The following MRO variants were observed in gnomAD, a reference collection of about 807,000 sequenced individuals.
MRO encodes protein maestro.
In MRO, 28 loss-of-function variants were observed where a neutral mutation model predicts 31.0. That is an observed-to-expected ratio of 0.90 (90% CI 0.67 to 1.24). The LOEUF (loss-of-function observed/expected upper bound fraction) is 1.24. Ranked by LOEUF, MRO falls within the 50% of genes most tolerant of loss-of-function variation. MRO has a pLI of 0.00. For synonymous variants in MRO, 108 were observed against 108.4 expected, an observed-to-expected ratio of 1.00 and a Z score of 0.02; for missense variants, 332 against 289.2, an observed-to-expected ratio of 1.15 and a Z score of -1.07.
rs1915218666 is a variant in MRO, at chr18:50,819,703, C to G, written c.-126-1G>C. The G allele has an allele frequency of 6.5e-7, 1 of 1,549,854 alleles. No individual in the cohort carries two copies. The highest frequency in any genetic ancestry group is 1.4e-5 in the African/African-American group (1 of 73,006). On this transcript the variant is annotated splice_acceptor_variant, in intron 1 of 7. Coordinates refer to ENST00000398439, the MANE Select transcript of MRO (RefSeq NM_031939.6). LOFTEE classifies it low-confidence loss of function (5UTR_SPLICE). ...GCTAAATTTTCCCAGCCCTGAATTC[C>G]TAACATACAAGAAGGGAAATTAGGA...
intron 2 of MRO, among the ~76,000 whole-genome samples, chr18:50,812,976 G>A (rs1309012966): frequency 1.3e-5 from 2 of 152,314 alleles, no homozygotes; most frequent in East Asian, 3.9e-4. Context: ...CAGGGCTGGG[G>A]AGCTTCCAGG....
chr18:50,801,532 G>C, intron 5 of MRO, 28 bp from the exon 6 acceptor site: 1 of 1,563,464 alleles, frequency 6.4e-7, no homozygotes, highest in Non-Finnish European at 8.7e-7. Context: ...AAAACAATAA[G>C]AAAGCCAGAT....
At chr18:50,812,628 C>T (rs576046071) in intron 2 of MRO, among the ~76,000 whole-genome samples, 2 of 152,124 alleles carry the variant, frequency 1.3e-5, no homozygotes, top group East Asian at 1.9e-4. Context: ...TTCTTTTAAG[C>T]GTTTTATAGT....
intron 2 of MRO, chr18:50,814,547 G>C: frequency 5.0e-6 from 1 of 201,316 alleles, no homozygotes; most frequent in Non-Finnish European, 1.1e-5. Flanking sequence ...CATCTCGGGG[G>C]CCTTGGTTTT....
In MRO at chr18:50,799,316, C is replaced by A. The variant is rs776600396; in HGVS notation, c.*21G>T. The A allele has an allele frequency of 1.9e-6, 3 of 1,607,896 alleles. No individual in the cohort carries two copies. The highest frequency in any genetic ancestry group is 1.1e-5 in the South Asian group (1 of 90,950). On this transcript the variant is annotated 3_prime_UTR_variant, in exon 8 of 8. Transcript: ENST00000398439. ...GCTCAGCAATGCACTCATACAGAAC[C>A]ATTTCCCTGCTGCTCTGCGCTTACA...
intron 2 of MRO, chr18:50,815,669 C>T (rs1914855237): frequency 5.3e-6 from 2 of 378,062 alleles, no homozygotes; most frequent in South Asian, 4.5e-5. Flanking sequence ...GAAGTTCAGG[C>T]AGTCCCTGTG....
In MRO at chr18:50,812,103, A is replaced by G. The variant is rs117699452; in HGVS notation, c.-4-2699T>C. 6.0e-3 allele frequency among the ~76,000 whole-genome samples: 906 copies of G among 152,262 alleles called. 21 individuals carry two copies. In the East Asian group the frequency reaches 0.076, roughly 13 times the overall value. On this transcript the variant is annotated intron_variant, in intron 2 of 7. Coordinates refer to ENST00000398439, the MANE Select transcript of MRO (RefSeq NM_031939.6). The stretch of plus-strand genomic sequence containing the variant: ...CACCAAACTGTTTTCCACAGTGGTT[A>G]CACCATTTTACATACCCACCAGCAA...
At chr18:50,820,259 C>T (rs893020945), upstream of MRO, among the ~76,000 whole-genome samples, 3 of 152,218 alleles carry the variant, frequency 2.0e-5, no homozygotes, top group Non-Finnish European at 1.5e-5. Flanking sequence ...AGAGCTTTAA[C>T]CGTTGACGTC....
At chr18:50,809,622 T>G (rs1216921941) in intron 2 of MRO, among the ~76,000 whole-genome samples, 1 of 150,970 alleles carries the variant, frequency 6.6e-6, no homozygotes, top group African/African-American at 2.4e-5. Flanking sequence ...TCAAGGGGGA[T>G]CTGCCCTCTA....
rs746221891 is a variant in MRO, at chr18:50,805,180, G to A, written c.403C>T (p.Leu135Phe). ...TCATCTAATAAAGTCCTGGTCTGAAGGGTGATATCTATGAAGAAGGAACCC... is the reference window on the plus strand; with the variant it reads ...TCATCTAATAAAGTCCTGGTCTGAAAGGTGATATCTATGAAGAAGGAACCC... The part of the protein sequence containing the change: ...GLGSFFIDIT[L>F]QTRTLLDDEN... Residue 135 changes from leucine (L) to phenylalanine (F), a missense_variant, in exon 5 of 8, where the codon CTT (leucine) becomes TTT (phenylalanine). Coordinates refer to ENST00000398439, the MANE Select transcript of MRO (RefSeq NM_031939.6). 4.3e-6 allele frequency: 7 copies of A among 1,613,188 alleles called. No individual in the cohort carries two copies. Among genetic ancestry groups the A allele is most frequent in the African/African-American group, 1.3e-5 (1 of 74,908 alleles).
At chr18:50,818,814 A>G (rs577678123) in intron 2 of MRO, among the ~76,000 whole-genome samples, 1 of 152,318 alleles carries the variant, frequency 6.6e-6, no homozygotes, top group South Asian at 2.1e-4. Context: ...GCATTTTGGG[A>G]GGCTGAGGCA....
chr18:50,817,973 G>A (rs1160289945), intron 2 of MRO, among the ~76,000 whole-genome samples: 1 of 151,590 alleles, frequency 6.6e-6, no homozygotes, highest in Non-Finnish European at 1.5e-5. Flanking sequence ...TCTTGTACTT[G>A]CAGCTTCTTA....
At chr18:50,806,333 G>A (rs1415297624) in intron 4 of MRO, among the ~76,000 whole-genome samples, 9 of 152,122 alleles carry the variant, frequency 5.9e-5, no homozygotes, top group African/African-American at 1.4e-4. Flanking sequence ...TGTAGGCATC[G>A]AAAGTGGCCC....
intron 5 of MRO, among the ~76,000 whole-genome samples, chr18:50,801,816 T>A (rs1450221893): frequency 2.0e-5 from 3 of 152,208 alleles, no homozygotes; most frequent in Non-Finnish European, 4.4e-5. Flanking sequence ...CGTTATTTCA[T>A]GTTTTGGAGA....
chr18:50,814,542 C>T (rs1185336535), intron 2 of MRO: 11 of 198,598 alleles, frequency 5.5e-5, no homozygotes, highest in Non-Finnish European at 1.1e-4. Flanking sequence ...CAAAACATCT[C>T]GGGGGCCTTG....
chr18:50,800,220 T>C (rs1913165914), intron 6 of MRO, 77 bp from the exon 7 acceptor site: 1 of 1,044,026 alleles, frequency 9.6e-7, no homozygotes, highest in Non-Finnish European at 1.4e-6. Context: ...CCTAGAGGAT[T>C]GCACCCAATC....
In MRO at chr18:50,813,828, G is replaced by T. The variant is rs1322590496; in HGVS notation, c.-4-4424C>A. Among the ~76,000 whole-genome samples, 4 of 152,226 alleles carry T rather than the reference G, an allele frequency of 2.6e-5. No homozygotes were observed. In the East Asian group the frequency reaches 7.7e-4, roughly 29 times the overall value. ...CACAAAGAAGGCCACAGACACCAGG[G>T]CCTACTTGAGGGTTGGAGGGTGGGA... On this transcript the variant is annotated intron_variant, in intron 2 of 7. Coordinates refer to ENST00000398439, the MANE Select transcript of MRO (RefSeq NM_031939.6).
rs1913833466 is a variant in MRO, at chr18:50,805,465, G to T, written c.247-129C>A. On this transcript the variant is annotated intron_variant, in intron 4 of 7. Transcript: ENST00000398439. ...CACACCAGGGCTTTTTTCAAGATCT[G>T]CACAACTCTCATTAAAATACAAATG... The T allele has an allele frequency of 8.8e-6, 6 of 679,376 alleles. No individual in the cohort carries two copies. In the South Asian group the frequency reaches 1.0e-4, roughly 12 times the overall value. 42.1% of individuals were successfully genotyped at this position (679,376 alleles called of 1,614,324 possible).
Position 50,806,685 on chromosome 18 carries a change from C to T in MRO, c.246+19G>A. 1 of 1,613,622 alleles carries T rather than the reference C, an allele frequency of 6.2e-7. No individual in the cohort carries two copies. Among genetic ancestry groups the T allele is most frequent in the Non-Finnish European group, 8.5e-7 (1 of 1,179,940 alleles). ...GGAGAGGCTTGGGGAGCTGGCTGAG[C>T]CCCACTCTCCTTCCCTACCTTGTCA... On this transcript the variant is annotated intron_variant, in intron 4 of 7. Coordinates refer to ENST00000398439, the MANE Select transcript of MRO (RefSeq NM_031939.6).
Sources: gnomAD v4.1 joint callset for allele counts (sites outside exome capture counted in the v4.1 genomes callset) on GRCh38, gnomAD v4.1.1 for gene constraint, MANE v1.5 for transcripts, NCBI Gene and HGNC (gene_info 2026-07-23, HGNC 2026-07-21) for gene names.